The following ZC3H6 variants were observed in gnomAD, a reference collection of about 807,000 sequenced individuals.
The protein encoded by ZC3H6 is zinc finger CCCH domain-containing protein 6.
Under a neutral mutation model 107.7 loss-of-function variants are expected in ZC3H6, and 40 were observed. The ratio of observed to expected loss-of-function variants is 0.37; its 90% confidence interval spans 0.29 to 0.48. The LOEUF is 0.48. ZC3H6 is among the 20% of genes least tolerant of loss of function. The probability of loss-of-function intolerance (pLI) is 0.98; values close to 1 mark genes in which losing one functional copy is unlikely to be tolerated. For missense variants in ZC3H6, 1,267 were observed against 1,410.4 expected, an observed-to-expected ratio of 0.90 and a Z score of 1.63; for synonymous variants, 493 against 487.9, an observed-to-expected ratio of 1.01 and a Z score of -0.14.
At position 112,324,693 on chromosome 2, in the gene ZC3H6, C is replaced by T. The variant is rs749953004; in HGVS notation, c.1852+30C>T. ...GTTTACTTTTTTGAAATAATTTATT[C>T]CTAATTTAAAATACAGTCCTATTTT... is the stretch of plus-strand genomic sequence containing the variant. On this transcript the variant is annotated intron_variant, in intron 10 of 11. Transcript: ENST00000409871. 1.9e-5 allele frequency: 29 copies of T among 1,513,980 alleles called. No individual in the cohort carries two copies. In the South Asian group the frequency reaches 2.7e-4, roughly 14 times the overall value. 93.8% of individuals were successfully genotyped at this position (1,513,980 alleles called of 1,614,324 possible). A position where few individuals can be genotyped will look rare whatever the true frequency, so the allele number is the denominator to read the frequency against.
Position 112,338,920 on chromosome 2 carries a change from T to G in ZC3H6, c.*6432T>G, listed in dbSNP as rs1677193719. The G allele has an allele frequency of 7.4e-6, 1 of 135,698 alleles. No homozygotes were observed. The highest frequency in any genetic ancestry group is 1.6e-5 in the Non-Finnish European group (1 of 63,182). The allele number at this position is 135,698 out of a possible 1,614,324, so 8.4% of individuals were successfully genotyped here. On this transcript the variant is annotated 3_prime_UTR_variant, in exon 12 of 12. Coordinates refer to ENST00000409871, the MANE Select transcript of ZC3H6 (RefSeq NM_198581.3). ...ATATATATATATATATATAATTTTT[T>G]TTTTTTGAGACGGAGTCTTGCTCTG...
At chr2:112,282,263 C>T (rs1049611484) in intron 1 of ZC3H6, among the ~76,000 whole-genome samples, 2 of 152,174 alleles carry the variant, frequency 1.3e-5, no homozygotes, top group Non-Finnish European at 2.9e-5. Context: ...CAGTTCAGAG[C>T]GGCCGGAGAA....
intron 1 of ZC3H6, among the ~76,000 whole-genome samples, chr2:112,289,307 T>C (rs114008347): frequency 0.1 from 14,565 of 143,176 alleles, 492 homozygotes; most frequent in Non-Finnish European, 0.15. Flanking sequence ...CCCTGAACAC[T>C]TTTTTTTTCT....
At chr2:112,330,877 A>G (rs1240573121) in intron 11 of ZC3H6, 128 bp from the exon 12 acceptor site, 2 of 343,166 alleles carry the variant, frequency 5.8e-6, no homozygotes, top group Non-Finnish European at 9.0e-6. Flanking sequence ...TGTGTTTTTT[A>G]ATATTAATTA....
Position 112,332,207 on chromosome 2 carries a change from C to G in ZC3H6, c.3289C>G (p.Gln1097Glu). ...TTCTCCTGGAGAAGCCATCCTTCCA[C>G]AAAAACCCAGTCCAAACGTGGGAGT... is the stretch of plus-strand genomic sequence containing the variant. Reference protein sequence around the residue: ...EPSPGEAILPQKPSPNVGVTL... With the variant: ...EPSPGEAILPEKPSPNVGVTL... The change falls in exon 12 of 12, where the codon CAA becomes GAA. Residue 1097 changes from glutamine (Q) to glutamate (E), a missense_variant. Gln to Glu is a conservative substitution (Grantham distance 29, BLOSUM62 2). This residue lies in a region of ZC3H6 where 925 missense variants were observed against 1,025.7 expected (regional missense o/e 0.90). Transcript: ENST00000409871. 1 of 1,614,000 alleles carries G rather than the reference C, an allele frequency of 6.2e-7. No homozygotes were observed. Among genetic ancestry groups the G allele is most frequent in the Non-Finnish European group, 8.5e-7 (1 of 1,179,892 alleles).
Position 112,300,905 on chromosome 2 carries a change from T to A in ZC3H6, c.213+876T>A, listed in dbSNP as rs570164455. Among the ~76,000 whole-genome samples, 4 of 152,204 alleles carry A rather than the reference T, an allele frequency of 2.6e-5. No homozygotes were observed. The South Asian group carries it at 8.3e-4, about 32-fold the overall frequency. On this transcript the variant is annotated intron_variant, in intron 2 of 11. Transcript: ENST00000409871. ...AGGTTTTGAAACTCCCTGAATTTCC[T>A]CCATTAAAATCACATCAATTAGGAT... is the stretch of plus-strand genomic sequence containing the variant.
intron 1 of ZC3H6, among the ~76,000 whole-genome samples, chr2:112,296,376 T>G (rs1676233287): frequency 6.6e-6 from 1 of 152,158 alleles, no homozygotes; most frequent in South Asian, 2.1e-4. Flanking sequence ...TGTTAATTTT[T>G]TCTTTGTAGT....
rs559510069 is a variant in ZC3H6, at chr2:112,322,840, T to C, written c.1278T>C (p.Ile426=). 1.2e-6 allele frequency: 2 copies of C among 1,613,444 alleles called. No individual in the cohort carries two copies. Among genetic ancestry groups the C allele is most frequent in the East Asian group, 2.2e-5 (1 of 44,874 alleles). The part of the protein sequence containing the change: ...QTDFSDDFRK[I]PSLFEIVVKP... ...ATTTCTCTGATGATTTTAGGAAAAT[T>C]CCATCTCTTTTTGAAATAGTTGTAA... The change falls in exon 9 of 12, where the codon ATT becomes ATC. Residue 426 remains isoleucine, a synonymous_variant. Transcript: ENST00000409871.
chr2:112,299,955 A>C lies in ZC3H6; in HGVS notation c.139A>C (p.Arg47=). 6.6e-7 allele frequency: 1 copy of C among 1,511,082 alleles called. No homozygotes were observed. The highest frequency in any genetic ancestry group is 1.3e-5 in the South Asian group (1 of 75,024). The allele number at this position is 1,511,082 out of a possible 1,614,324, so 93.6% of individuals were successfully genotyped here. Residue 47 remains arginine, a synonymous_variant, in exon 2 of 12, where the codon AGA becomes CGA. Coordinates refer to ENST00000409871, the MANE Select transcript of ZC3H6 (RefSeq NM_198581.3). Reference sequence around the variant, plus strand: ...AAAGCAGAAAAGTGAGAAAGCCTACAGAAAATCAAGAAAAAAACATAAGAA... The same window carrying C: ...AAAGCAGAAAAGTGAGAAAGCCTACCGAAAATCAAGAAAAAAACATAAGAA... ...NEKQKSEKAY[R]KSRKKHKKER...
chr2:112,276,327 T>C (rs1686422046), intron 1 of ZC3H6, among the ~76,000 whole-genome samples: 1 of 150,860 alleles, frequency 6.6e-6, no homozygotes, highest in Admixed American at 6.6e-5. Flanking sequence ...GCTCTCAGCG[T>C]CCCGGCTCGG....
rs1039507108 is a variant in ZC3H6 at position 112,338,641 on chromosome 2, T to C, written c.*6153T>C. On this transcript the variant is annotated 3_prime_UTR_variant, in exon 12 of 12. Coordinates refer to ENST00000409871, the MANE Select transcript of ZC3H6 (RefSeq NM_198581.3). The stretch of plus-strand genomic sequence containing the variant: ...TGCAGATAGTCAGGCCCCATACTTC[T>C]TGGCTCATTACTGATTTTAATACCT... 6.6e-6 allele frequency: 1 copy of C among 151,950 alleles called. No homozygotes were observed. Among genetic ancestry groups the C allele is most frequent in the African/African-American group, 2.4e-5 (1 of 41,400 alleles). The allele number at this position is 151,950 out of a possible 1,614,324, so 9.4% of individuals were successfully genotyped here. A position where few individuals can be genotyped will look rare whatever the true frequency, so the allele number is the denominator to read the frequency against.
In ZC3H6 at chr2:112,331,615, T is replaced by A. The variant is rs367787715; in HGVS notation, c.2697T>A (p.Asn899Lys). The change falls in exon 12 of 12, where the codon AAT becomes AAA. Residue 899 changes from asparagine (N) to lysine (K), a missense_variant. By Grantham distance (94) the Asn-to-Lys change is moderately conservative. Around this residue, in one of 3 missense-constraint regions of ZC3H6, gnomAD observed 925 missense variants for 1,025.7 expected, o/e 0.90. Coordinates refer to ENST00000409871, the MANE Select transcript of ZC3H6 (RefSeq NM_198581.3). The part of the protein sequence containing the change: ...LPKPDPVSSI[N>K]LPLPPLIADQ... ...AACCTGATCCAGTGTCTTCAATCAA[T>A]TTACCTCTGCCCCCACTTATAGCTG... The A allele has an allele frequency of 6.2e-7, 1 of 1,613,948 alleles. No homozygotes were observed.
chr2:112,305,955 T>A (rs1012318375), intron 3 of ZC3H6, among the ~76,000 whole-genome samples: 1 of 152,150 alleles, frequency 6.6e-6, no homozygotes, highest in Non-Finnish European at 1.5e-5. Context: ...TTGCCTTTAT[T>A]TATTTATTTG....
chr2:112,329,904 T>G (rs903930054), intron 11 of ZC3H6, among the ~76,000 whole-genome samples: 12 of 152,206 alleles, frequency 7.9e-5, no homozygotes, highest in African/African-American at 2.9e-4. Flanking sequence ...AAACATCAGT[T>G]TGTAATTCCT....
chr2:112,317,279 A>G lies in ZC3H6; in HGVS notation c.923A>G (p.Lys308Arg). Reference protein sequence around the residue: ...AELEKRKEICKFYLQGYCTKG... With the variant: ...AELEKRKEICRFYLQGYCTKG... ...TTGGAGAAAAGAAAAGAGATCTGCA[A>G]ATTTTATTTACAAGGATATTGTACC... Residue 308 changes from lysine to arginine, a missense_variant, in exon 7 of 12, where the codon AAA becomes AGA. Coordinates refer to ENST00000409871, the MANE Select transcript of ZC3H6 (RefSeq NM_198581.3). 1 of 1,591,892 alleles carries G rather than the reference A, an allele frequency of 6.3e-7. No homozygotes were observed.
chr2:112,337,905 A>G lies in ZC3H6; in HGVS notation c.*5417A>G, dbSNP rs1677161834. On this transcript the variant is annotated 3_prime_UTR_variant, in exon 12 of 12. Coordinates refer to ENST00000409871, the MANE Select transcript of ZC3H6 (RefSeq NM_198581.3). ...TCAAAGTGCTGGGATCACAGGCATG[A>G]GCCACCACGCCTGGCCCAGTCTTTT... The G allele has an allele frequency of 6.6e-6, 1 of 152,126 alleles. No homozygotes were observed. Among genetic ancestry groups the G allele is most frequent in the South Asian group, 2.1e-4 (1 of 4,822 alleles). The allele number at this position is 152,126 out of a possible 1,614,324, so 9.4% of individuals were successfully genotyped here. A position where few individuals can be genotyped will look rare whatever the true frequency, so the allele number is the denominator to read the frequency against.
chr2:112,296,349 TG>T (rs568123944), intron 1 of ZC3H6, among the ~76,000 whole-genome samples: 44 of 152,176 alleles, frequency 2.9e-4, no homozygotes, highest in Admixed American at 4.6e-4. Flanking sequence ...TCCTCTATAT[TG>T]TTTTTTTGTA....
chr2:112,305,288 C>T (rs1366486795), intron 3 of ZC3H6, among the ~76,000 whole-genome samples: 1 of 152,104 alleles, frequency 6.6e-6, no homozygotes, highest in Non-Finnish European at 1.5e-5. Context: ...GAGACAGGTT[C>T]TGGATTCATA....
intron 1 of ZC3H6, among the ~76,000 whole-genome samples, chr2:112,290,053 G>A (rs1263062831): frequency 1.3e-5 from 2 of 152,068 alleles, no homozygotes; most frequent in Non-Finnish European, 2.9e-5. Flanking sequence ...TGAAAAACCT[G>A]TACAATAAAA....
Sources: gnomAD v4.1 joint callset for allele counts (sites outside exome capture counted in the v4.1 genomes callset) on GRCh38, gnomAD v4.1.1 for gene constraint, gnomAD v4.1.1 regional missense constraint, MANE v1.5 for transcripts, NCBI Gene and HGNC (gene_info 2026-07-23, HGNC 2026-07-21) for gene names.